The following FOXN3 variants were observed in gnomAD, a reference collection of about 807,000 sequenced individuals.
FOXN3 encodes the protein forkhead box N3.
A neutral mutation model predicts 38.4 loss-of-function variants in FOXN3; 7 were observed. The observed-to-expected ratio is 0.18, with a 90% confidence interval of 0.10 to 0.34. The LOEUF (loss-of-function observed/expected upper bound fraction) is 0.34, where lower values mean the gene tolerates loss of function less well. Among genes scored for constraint, FOXN3 ranks in the 10% least tolerant of loss-of-function variants. The pLI is 1.00. For synonymous variants in FOXN3, 230 were observed against 242.2 expected (o/e 0.95, Z 0.47); for missense variants, 456 against 613.4 (o/e 0.74, Z 2.71).
chr14:89,261,615 G>A (rs905194329), intron 4 of FOXN3, among the ~76,000 whole-genome samples: 1 of 152,156 alleles, frequency 6.6e-6, no homozygotes, highest in Admixed American at 6.5e-5. Context: ...CCAACAGGGT[G>A]AAACCCTGTC....
At chr14:89,614,496 G>T (rs1896454280) in intron 1 of FOXN3, among the ~76,000 whole-genome samples, 1 of 152,092 alleles carries the variant, frequency 6.6e-6, no homozygotes, top group Non-Finnish European at 1.5e-5. Flanking sequence ...GTCACTAATT[G>T]CCACCTTTTT....
At chr14:89,450,671 C>T (rs1287913618) in intron 1 of FOXN3, among the ~76,000 whole-genome samples, 2 of 151,904 alleles carry the variant, frequency 1.3e-5, no homozygotes, top group East Asian at 1.9e-4. Context: ...CTGTAACATC[C>T]GCCTCCAGGG....
intron 2 of FOXN3, among the ~76,000 whole-genome samples, chr14:89,360,596 G>GGGAGGGAAGGAGGGAAGGAGGGAA (rs200016963): frequency 6.6e-6 from 1 of 150,980 alleles, no homozygotes; most frequent in Non-Finnish European, 1.5e-5. Flanking sequence ...AAGGGAGAGA[G>GGGAGGGAAGGAGGGAAGGAGGGAA]GGAGGGAAGG....
intron 2 of FOXN3, among the ~76,000 whole-genome samples, chr14:89,371,815 C>T (rs570065846): frequency 6.6e-6 from 1 of 152,138 alleles, no homozygotes; most frequent in Non-Finnish European, 1.5e-5. Flanking sequence ...GAGCTGCACC[C>T]TGCTATCAAA....
chr14:89,545,019 A>G (rs551206937), intron 1 of FOXN3, among the ~76,000 whole-genome samples: 8 of 152,308 alleles, frequency 5.3e-5, no homozygotes, highest in African/African-American at 1.4e-4. Context: ...GGCATTTACT[A>G]TGTTCATTTC....
intron 3 of FOXN3, among the ~76,000 whole-genome samples, chr14:89,301,875 C>A (rs1887227383): frequency 6.6e-6 from 1 of 152,174 alleles, no homozygotes; most frequent in African/African-American, 2.4e-5. Context: ...ATACTTCCAA[C>A]TGAGCAGAAA....
intron 2 of FOXN3, among the ~76,000 whole-genome samples, chr14:89,403,482 G>A (rs1441605832): frequency 6.6e-6 from 1 of 152,174 alleles, no homozygotes; most frequent in Non-Finnish European, 1.5e-5. Flanking sequence ...TTACAGGCGT[G>A]AGCCACCACG....
At chr14:89,346,547 A>G (rs1238841996) in intron 3 of FOXN3, among the ~76,000 whole-genome samples, 1 of 152,178 alleles carries the variant, frequency 6.6e-6, no homozygotes. Context: ...TTTGGGGAGA[A>G]AGACCACAAA....
chr14:89,350,325 T>C (rs956051211), intron 3 of FOXN3: 7 of 168,880 alleles, frequency 4.1e-5, no homozygotes, highest in African/African-American at 1.7e-4. Flanking sequence ...GAGGGGATGA[T>C]GGAGTTGCCT....
At chr14:89,385,498 TTA>T in intron 2 of FOXN3, among the ~76,000 whole-genome samples, 1 of 62,816 alleles carries the variant, frequency 1.6e-5, no homozygotes, top group East Asian at 6.2e-4. Context: ...AGGCAAACAT[TTA>T]AAAAAAAAAA....
intron 3 of FOXN3, among the ~76,000 whole-genome samples, chr14:89,294,849 A>T (rs1336786621): frequency 6.6e-6 from 1 of 152,216 alleles, no homozygotes; most frequent in African/African-American, 2.4e-5. Context: ...GGACTGCTCT[A>T]TATATGAAGT....
At chr14:89,427,228 C>CAAA (rs1377599085) in intron 1 of FOXN3, among the ~76,000 whole-genome samples, 3,178 of 44,106 alleles carry the variant, frequency 0.072, 68 homozygotes, top group Non-Finnish European at 0.11. Flanking sequence ...GCCTCTGTCT[C>CAAA]AAAAAAAAAA....
intron 2 of FOXN3, among the ~76,000 whole-genome samples, chr14:89,386,878 G>A (rs955721859): frequency 6.6e-6 from 1 of 152,018 alleles, no homozygotes; most frequent in Non-Finnish European, 1.5e-5. Context: ...CCTCTTATAA[G>A]GCCACCAATC....
chr14:89,171,179 ACT>A (rs1187236901), intron 5 of FOXN3, among the ~76,000 whole-genome samples: 3 of 152,248 alleles, frequency 2.0e-5, no homozygotes, highest in Non-Finnish European at 4.4e-5. Flanking sequence ...ATTATGAATA[ACT>A]CTTTGCCAAT....
chr14:89,534,109 T>C (rs1894634051), intron 1 of FOXN3, among the ~76,000 whole-genome samples: 1 of 99,276 alleles, frequency 1.0e-5, no homozygotes, highest in African/African-American at 2.9e-5. Context: ...TCTTTTTTTT[T>C]TTTTTTTTTT....
intron 4 of FOXN3, among the ~76,000 whole-genome samples, chr14:89,270,139 C>T (rs1422708278): frequency 6.6e-6 from 1 of 152,176 alleles, no homozygotes; most frequent in African/African-American, 2.4e-5. Flanking sequence ...TCTGCAGGAT[C>T]TTAGTCACTC....
At chr14:89,317,119 G>A (rs925331225) in intron 3 of FOXN3, among the ~76,000 whole-genome samples, 1 of 152,170 alleles carries the variant, frequency 6.6e-6, no homozygotes, top group Non-Finnish European at 1.5e-5. Context: ...TGACTTTAGT[G>A]GGTACCTAAT....
chr14:89,568,286 G>A (rs1328235648), intron 1 of FOXN3, among the ~76,000 whole-genome samples: 3 of 152,090 alleles, frequency 2.0e-5, no homozygotes, highest in Non-Finnish European at 4.4e-5. Context: ...GCCCACCTAT[G>A]AACCATCCTG....
chr14:89,528,912 G>A (rs114686779), intron 1 of FOXN3, among the ~76,000 whole-genome samples: 25 of 152,138 alleles, frequency 1.6e-4, no homozygotes, highest in African/African-American at 4.6e-4. Flanking sequence ...CAGCTTTTGC[G>A]GATGATAAGT....
Sources: gnomAD v4.1 joint callset for allele counts (sites outside exome capture counted in the v4.1 genomes callset) on GRCh38, gnomAD v4.1.1 for gene constraint, MANE v1.5 for transcripts, NCBI Gene and HGNC (gene_info 2026-07-23, HGNC 2026-07-21) for gene names.